Variants in PCDHA2 observed in about 807,000 individuals in gnomAD.
PCDHA2 encodes the protein protocadherin alpha 2, also known as protocadherin alpha-2.
In PCDHA2, 58 loss-of-function variants were observed where a neutral mutation model predicts 66.0. That is an observed-to-expected ratio of 0.88 (90% CI 0.71 to 1.09). The LOEUF (loss-of-function observed/expected upper bound fraction) is 1.09, where lower values mean the gene tolerates loss of function less well. Ranked by LOEUF, PCDHA2 falls within the 50% of genes least tolerant of loss-of-function variation. PCDHA2 has a pLI of 0.00. For synonymous variants in PCDHA2, 634 were observed against 554.0 expected, an observed-to-expected ratio of 1.14 and a Z score of -2.03; for missense variants, 1,267 against 1,242.3, an observed-to-expected ratio of 1.02 and a Z score of -0.30.
At chr5:140,884,833 C>A in intron 1 of PCDHA2, 2 of 916,632 alleles carry the variant, frequency 2.2e-6, no homozygotes, top group Non-Finnish European at 3.1e-6. Context: ...GTTGGATTAT[C>A]CTTCAGAGTG....
chr5:140,845,796 C>A (rs1780039234), intron 1 of PCDHA2, among the ~76,000 whole-genome samples: 1 of 149,428 alleles, frequency 6.7e-6, no homozygotes, highest in African/African-American at 2.5e-5. Flanking sequence ...TAAACTCTGG[C>A]AAGTGATAGG....
intron 1 of PCDHA2, among the ~76,000 whole-genome samples, chr5:140,896,083 T>G (rs1202809868): frequency 6.6e-6 from 1 of 152,184 alleles, no homozygotes; most frequent in African/African-American, 2.4e-5. Context: ...CATGCTGGGA[T>G]TACAGGCGTG....
chr5:140,977,514 A>G (rs1554238605), intron 1 of PCDHA2, among the ~76,000 whole-genome samples: 13 of 152,216 alleles, frequency 8.5e-5, no homozygotes. Context: ...CATTTTGTGA[A>G]CTTGAAAACA....
chr5:140,994,473 C>T (rs1199561805), intron 3 of PCDHA2, among the ~76,000 whole-genome samples: 2 of 152,038 alleles, frequency 1.3e-5, no homozygotes, highest in Admixed American at 6.5e-5. Flanking sequence ...GAGGCTGAGG[C>T]GGGTGGATTG....
In PCDHA2 at chr5:140,795,122, G is replaced by A. The variant is rs782117441; in HGVS notation, c.158G>A (p.Gly53Glu). ...TFVGRIAQDL[G>E]LELEELVPRL... is the part of the protein sequence containing the mutation. ...GTGGGCCGCATCGCGCAGGACCTGGGGCTGGAGCTGGAGGAGCTGGTGCCG... is the reference window on the plus strand; with the variant it reads ...GTGGGCCGCATCGCGCAGGACCTGGAGCTGGAGCTGGAGGAGCTGGTGCCG... Residue 53 changes from glycine to glutamate, a missense_variant, in exon 1 of 4, where the codon GGG becomes GAG. Gly to Glu is a moderately conservative substitution (Grantham distance 98). Coordinates refer to ENST00000526136, the MANE Select transcript of PCDHA2 (RefSeq NM_018905.3). 2 of 1,614,044 alleles carry A rather than the reference G, an allele frequency of 1.2e-6. No individual in the cohort carries two copies. The highest frequency in any genetic ancestry group is 2.2e-5 in the South Asian group (2 of 91,086).
At chr5:140,871,297 G>T (rs781824958) in intron 1 of PCDHA2, 1 of 1,613,896 alleles carries the variant, frequency 6.2e-7, no homozygotes, top group Non-Finnish European at 8.5e-7. Flanking sequence ...GGGCGCGTGC[G>T]CGCCGGGGAA....
intron 1 of PCDHA2, among the ~76,000 whole-genome samples, chr5:140,837,994 C>A (rs1460349736): frequency 2.0e-5 from 3 of 150,494 alleles, no homozygotes. Context: ...TTCATCTTTC[C>A]TTTTTTTTAA....
chr5:140,815,636 TTC>T (rs1765771422), intron 1 of PCDHA2: 1 of 152,144 alleles, frequency 6.6e-6, no homozygotes, highest in Non-Finnish European at 1.5e-5. Flanking sequence ...TATTATAGTA[TTC>T]TGTTTTTATC....
chr5:140,840,328 T>C lies in PCDHA2; in HGVS notation c.2388+42976T>C, dbSNP rs2150305844. ...TTTTAACTTTGGTCGACTCATTTTCTAGGCAATGTTAGGGTATACAGGTAA... is the reference window on the plus strand; with the variant it reads ...TTTTAACTTTGGTCGACTCATTTTCCAGGCAATGTTAGGGTATACAGGTAA... On this transcript the variant is annotated intron_variant, in intron 1 of 3. Transcript: ENST00000526136. Among the ~76,000 whole-genome samples, 12 of 152,150 alleles carry C rather than the reference T, an allele frequency of 7.9e-5. No individual in the cohort carries two copies. The South Asian group carries it at 2.5e-3, about 32-fold the overall frequency.
chr5:140,967,682 C>G, intron 1 of PCDHA2: 2 of 1,614,176 alleles, frequency 1.2e-6, no homozygotes, highest in South Asian at 2.2e-5. Context: ...CCGGGAGAGG[C>G]AGCTCTTCAG....
In PCDHA2 at chr5:140,796,473, GT is replaced by G. The variant is rs1554119930; in HGVS notation, c.1511del (p.Leu504CysfsTer32). On this transcript the variant is annotated frameshift_variant, in exon 1 of 4. Transcript: ENST00000526136. LOFTEE classifies it high-confidence loss of function. ...LVERRVGERA[L>X]SSYVSVHAES... is the part of the protein sequence containing the mutation. The stretch of plus-strand genomic sequence containing the variant: ...TGGAGCGGCGGGTGGGCGAGCGCGC[GT>G]TGTCGAGCTACGTTTCGGTGCACGC... 1 of 1,612,230 alleles carries G rather than the reference GT, an allele frequency of 6.2e-7. No homozygotes were observed. Among genetic ancestry groups the G allele is most frequent in the Admixed American group, 1.7e-5 (1 of 60,006 alleles).
chr5:140,843,859 T>C lies in PCDHA2; in HGVS notation c.2388+46507T>C, dbSNP rs1779121343. ...GTTTTTAGAAACCTTTTATAATTAA[T>C]TGAATTTTCTCAGTGGCATAATACA... On this transcript the variant is annotated intron_variant, in intron 1 of 3. Coordinates refer to ENST00000526136, the MANE Select transcript of PCDHA2 (RefSeq NM_018905.3). 13 of 919,578 alleles carry C rather than the reference T, an allele frequency of 1.4e-5. No individual in the cohort carries two copies. The East Asian group carries it at 3.1e-4, about 22-fold the overall frequency. The allele number at this position is 919,578 out of a possible 1,614,324, so 57.0% of individuals were successfully genotyped here. A position where few individuals can be genotyped will look rare whatever the true frequency, so the allele number is the denominator to read the frequency against.
At chr5:140,887,829 G>A (rs2061597831) in intron 1 of PCDHA2, among the ~76,000 whole-genome samples, 1 of 151,932 alleles carries the variant, frequency 6.6e-6, no homozygotes, top group Non-Finnish European at 1.5e-5. Flanking sequence ...GCCTCATTTT[G>A]AATATCTTTT....
At chr5:140,967,702 C>T (rs1563368615) in intron 1 of PCDHA2, 3 of 1,614,162 alleles carry the variant, frequency 1.9e-6, no homozygotes, top group Middle Eastern at 3.3e-4. Flanking sequence ...GCATAGATGC[C>T]AGTACCGGGG....
At chr5:140,832,679 G>A (rs1212097069) in intron 1 of PCDHA2, among the ~76,000 whole-genome samples, 3 of 152,094 alleles carry the variant, frequency 2.0e-5, no homozygotes, top group Non-Finnish European at 4.4e-5. Context: ...GAGAATCATC[G>A]AATTAACAAG....
chr5:140,998,195 A>C (rs1409926168), intron 3 of PCDHA2, among the ~76,000 whole-genome samples: 6 of 152,164 alleles, frequency 3.9e-5, no homozygotes, highest in African/African-American at 1.2e-4. Flanking sequence ...ACAAGTATTA[A>C]CTCCTTTAAT....
At chr5:140,993,198 A>C (rs1554253472) in intron 3 of PCDHA2, among the ~76,000 whole-genome samples, 1 of 151,946 alleles carries the variant, frequency 6.6e-6, no homozygotes, top group African/African-American at 2.4e-5. Context: ...AACTCACTAA[A>C]GCTAATTTTT....
chr5:140,967,817 G>A, intron 1 of PCDHA2: 1 of 1,614,182 alleles, frequency 6.2e-7, no homozygotes. Context: ...TCACTGCAAG[G>A]TGCTGGTGGA....
Position 140,795,908 on chromosome 5 carries a change from C to G in PCDHA2, c.944C>G (p.Ser315Cys). 1.2e-6 allele frequency: 2 copies of G among 1,613,940 alleles called. No individual in the cohort carries two copies. Among genetic ancestry groups the G allele is most frequent in the Non-Finnish European group, 1.7e-6 (2 of 1,179,906 alleles). Residue 315 changes from serine (S) to cysteine (C), a missense_variant, in exon 1 of 4, where the codon TCC becomes TGC. Transcript: ENST00000526136. ...AAATTAGATTATGAAGAAGCAAAGTCCTACGAGATTCAGGTCACTGCAACT... is the reference window on the plus strand; with the variant it reads ...AAATTAGATTATGAAGAAGCAAAGTGCTACGAGATTCAGGTCACTGCAACT... ...KGKLDYEEAK[S>C]YEIQVTATDK...
Sources: gnomAD v4.1 joint callset for allele counts (sites outside exome capture counted in the v4.1 genomes callset) on GRCh38, gnomAD v4.1.1 for gene constraint, MANE v1.5 for transcripts, NCBI Gene and HGNC (gene_info 2026-07-23, HGNC 2026-07-21) for gene names.